The following MYH15 variants were observed in gnomAD, a reference collection of about 807,000 sequenced individuals.
The protein encoded by MYH15 is myosin heavy chain 15.
A neutral mutation model predicts 240.5 loss-of-function variants in MYH15; 227 were observed. The ratio of observed to expected loss-of-function variants is 0.94; its 90% CI spans 0.85 to 1.05. The LOEUF (loss-of-function observed/expected upper bound fraction) is 1.05, where lower values mean the gene tolerates loss of function less well. Ranked by LOEUF, MYH15 falls within the 50% of genes least tolerant of loss-of-function variation. The pLI, the probability that MYH15 is intolerant of heterozygous loss-of-function variation, is 0.00. For synonymous variants in MYH15, 785 were observed against 796.7 expected (o/e 0.99, Z 0.25); for missense variants, 2,217 against 2,247.5 (o/e 0.99, Z 0.27).
intron 21 of MYH15, among the ~76,000 whole-genome samples, chr3:108,448,182 CAAAG>C (rs1326898737): frequency 4.0e-5 from 6 of 151,868 alleles, no homozygotes; most frequent in Non-Finnish European, 8.8e-5. Context: ...TATCACATCA[CAAAG>C]GAAGACAGAA....
chr3:108,434,415 C>T (rs2082813266), intron 25 of MYH15, among the ~76,000 whole-genome samples: 4 of 151,902 alleles, frequency 2.6e-5, no homozygotes, highest in Non-Finnish European at 5.9e-5. Flanking sequence ...CTCCCAACCT[C>T]AGGTGATCTG....
chr3:108,486,610 T>C (rs2083308302), intron 9 of MYH15, 84 bp from the exon 10 acceptor site: 3 of 874,140 alleles, frequency 3.4e-6, no homozygotes, highest in Non-Finnish European at 5.5e-6. Context: ...CGCAGTTTAG[T>C]CTACAGTTTA....
intron 11 of MYH15, among the ~76,000 whole-genome samples, chr3:108,484,307 T>A (rs1244634949): frequency 6.6e-6 from 1 of 152,120 alleles, no homozygotes; most frequent in Non-Finnish European, 1.5e-5. Flanking sequence ...GGTAAGCAGA[T>A]AAGAGTATAG....
At chr3:108,518,809 G>A (rs1237821094) in intron 1 of MYH15, among the ~76,000 whole-genome samples, 1 of 152,192 alleles carries the variant, frequency 6.6e-6, no homozygotes, top group South Asian at 2.1e-4. Flanking sequence ...CTCTAGGTTC[G>A]TTCTGTCAGC....
Position 108,510,401 on chromosome 3 carries a change from G to A in MYH15, c.88+42C>T, listed in dbSNP as rs762874874. On this transcript the variant is annotated intron_variant, in intron 1 of 40. Coordinates refer to ENST00000693548, the MANE Select transcript of MYH15 (RefSeq NM_014981.3). ...CAAATATCTTAGTCACCATCTTGAA[G>A]GAGCAAAATAAAGTGAAGCCAGCAA... The A allele has an allele frequency of 1.4e-5, 22 of 1,574,650 alleles. 1 individual carries two copies. The South Asian group carries it at 2.5e-4, about 18-fold the overall frequency.
At chr3:108,534,900 G>C in the MYH15 span, among the ~76,000 whole-genome samples, 1 of 151,854 alleles carries the variant, frequency 6.6e-6, no homozygotes, top group East Asian at 1.9e-4. Flanking sequence ...ATTAAACCAA[G>C]ATGAAAATAA....
chr3:108,413,424 T>C (rs1048317886), intron 30 of MYH15, among the ~76,000 whole-genome samples: 19 of 152,240 alleles, frequency 1.2e-4, no homozygotes, highest in African/African-American at 4.6e-4. Context: ...ACATTATTTC[T>C]GGTTGAAGCT....
In MYH15 at chr3:108,389,262, TA is replaced by T. The variant is rs1373844538; in HGVS notation, c.5431-189del. ...AAAAGTAAGATCTTTTATGGATTCA[TA>T]AAAGAACTATTTAGACTGAAATATG... is the stretch of plus-strand genomic sequence containing the variant. On this transcript the variant is annotated intron_variant, in intron 37 of 40. Transcript: ENST00000693548. Among the ~76,000 whole-genome samples, 8 of 152,196 alleles carry T rather than the reference TA, an allele frequency of 5.3e-5. 1 individual carries two copies. Among genetic ancestry groups the T allele is most frequent in the Admixed American group, 5.2e-4 (8 of 15,286 alleles).
rs1461860635 is a variant in MYH15 at position 108,410,618 on chromosome 3, T to C, written c.4460A>G (p.Gln1487Arg). The C allele has an allele frequency of 6.2e-7, 1 of 1,605,424 alleles. No individual in the cohort carries two copies. The highest frequency in any genetic ancestry group is 1.7e-5 in the Admixed American group (1 of 59,830). ...KNTYEESIVG[Q>R]ETLRRENKNL... ...CTTGTTCTCCCTCCTGAGTGTCTCCTGGCCCACGATGCTCTCCTCATAGGT... is the reference window on the plus strand; with the variant it reads ...CTTGTTCTCCCTCCTGAGTGTCTCCCGGCCCACGATGCTCTCCTCATAGGT... Residue 1487 changes from glutamine (Q) to arginine (R), a missense_variant, in exon 31 of 41, where the codon CAG becomes CGG. Physicochemically the swap from Gln to Arg is conservative, Grantham distance 43 (BLOSUM62 1). Transcript: ENST00000693548.
intron 11 of MYH15, among the ~76,000 whole-genome samples, chr3:108,480,121 A>G (rs1398805569): frequency 6.6e-6 from 1 of 152,248 alleles, no homozygotes; most frequent in Non-Finnish European, 1.5e-5. Context: ...ACAACTGCAT[A>G]AGAGACACAC....
At position 108,399,168 on chromosome 3, in the gene MYH15, C is replaced by G. The variant is rs1169706408; in HGVS notation, c.4836G>C (p.Glu1612Asp). Residue 1612 changes from glutamate to aspartate, a missense_variant, in exon 34 of 41, where the codon GAG becomes GAC. Glu to Asp is a conservative substitution (Grantham distance 45). Transcript: ENST00000693548. ...EVTRLKKKME[E>D]DLNEMELQLS... The stretch of plus-strand genomic sequence containing the variant: ...GCTGGAGTTCCATCTCATTGAGGTC[C>G]TCTTCCATCTTCTTCTTCAGCCGGG... 1.2e-6 allele frequency: 2 copies of G among 1,614,116 alleles called. No homozygotes were observed. The highest frequency in any genetic ancestry group is 4.5e-5 in the East Asian group (2 of 44,894).
At chr3:108,479,867 T>C (rs1449971401) in intron 11 of MYH15, among the ~76,000 whole-genome samples, 2 of 152,212 alleles carry the variant, frequency 1.3e-5, no homozygotes, top group Admixed American at 6.5e-5. Context: ...AATCCAGTTT[T>C]GTCAGTCTAC....
At chr3:108,546,989 G>C in the MYH15 span, among the ~76,000 whole-genome samples, 1 of 151,918 alleles carries the variant, frequency 6.6e-6, no homozygotes, top group Non-Finnish European at 1.5e-5. Context: ...TCAATTTATG[G>C]AGTACAGAGG....
upstream of MYH15, among the ~76,000 whole-genome samples, chr3:108,515,035 T>G (rs1228583174): frequency 1.3e-5 from 2 of 152,186 alleles, no homozygotes; most frequent in African/African-American, 4.8e-5. Context: ...ACGACACAGT[T>G]TGGAGTGCCT....
Position 108,486,494 on chromosome 3 carries a change from A to C in MYH15, c.904T>G (p.Phe302Val). ...ACTGCTCCACAGGAGCAAAAGTGGA[A>C]GTCTGAGGGATTTGCAGATACCAGG... Reference protein sequence around the residue: ...LLLVSANPSDFHFCSCGAVTV... With the variant: ...LLLVSANPSDVHFCSCGAVTV... The change falls in exon 10 of 41, where the codon TTC becomes GTC. Residue 302 changes from phenylalanine to valine, a missense_variant. Physicochemically the swap from Phe to Val is conservative, Grantham distance 50 (BLOSUM62 -1). Coordinates refer to ENST00000693548, the MANE Select transcript of MYH15 (RefSeq NM_014981.3). 1 of 1,612,472 alleles carries C rather than the reference A, an allele frequency of 6.2e-7. No homozygotes were observed. The highest frequency in any genetic ancestry group is 8.5e-7 in the Non-Finnish European group (1 of 1,178,836).
In MYH15 at chr3:108,463,232, A is replaced by T; in HGVS notation, c.1743T>A (p.Asn581Lys). ...TGTTCTTTTCCAGCCAACCACTGAT[A>T]TTATAAGGTACCTTTGGAAAGGCAT... ...LVHYAGVVPYNISGWLEKNKD... is the reference protein window; with the variant it reads ...LVHYAGVVPYKISGWLEKNKD... The change falls in exon 16 of 41, where the codon AAT (asparagine) becomes AAA (lysine). Residue 581 changes from asparagine to lysine, a missense_variant. Coordinates refer to ENST00000693548, the MANE Select transcript of MYH15 (RefSeq NM_014981.3). 4 of 1,609,074 alleles carry T rather than the reference A, an allele frequency of 2.5e-6. No homozygotes were observed. The highest frequency in any genetic ancestry group is 3.4e-6 in the Non-Finnish European group (4 of 1,178,606).
At chr3:108,439,613 A>T in intron 24 of MYH15, 124 bp downstream of exon 24, 1 of 859,232 alleles carries the variant, frequency 1.2e-6, no homozygotes, top group Non-Finnish European at 1.7e-6. Flanking sequence ...ATTCTCAATA[A>T]TCAGGAAAAC....
intron 22 of MYH15, among the ~76,000 whole-genome samples, chr3:108,444,267 G>A (rs1349746649): frequency 6.6e-6 from 1 of 152,086 alleles, no homozygotes; most frequent in African/African-American, 2.4e-5. Flanking sequence ...GAAGCACACT[G>A]CAGCATTCCT....
chr3:108,414,220 TG>T lies in MYH15; in HGVS notation c.4145+11del, dbSNP rs2082616223. 7 of 1,612,374 alleles carry T rather than the reference TG, an allele frequency of 4.3e-6. No individual in the cohort carries two copies. ...AGTAACTCCAGGTTAAGGATAGCCT[TG>T]CCCTACTCACTTGGCATCCTCCAAG... On this transcript the variant is annotated intron_variant, in intron 30 of 40. Transcript: ENST00000693548.
Sources: gnomAD v4.1 joint callset for allele counts (sites outside exome capture counted in the v4.1 genomes callset) on GRCh38, gnomAD v4.1.1 for gene constraint, MANE v1.5 for transcripts, NCBI Gene and HGNC (gene_info 2026-07-23, HGNC 2026-07-21) for gene names.